CTNND2: variants seen among roughly 807,000 people sequenced by gnomAD.
The protein encoded by CTNND2 is catenin delta-2.
CTNND2 carries 22 observed loss-of-function variants against 144.4 expected under a neutral mutation model. The ratio of observed to expected loss-of-function variants is 0.15; its 90% CI spans 0.11 to 0.22. The LOEUF is 0.22. Among genes scored for constraint, CTNND2 ranks in the 10% least tolerant of loss-of-function variants. CTNND2 has a pLI of 1.00. For missense variants in CTNND2, 1,353 were observed against 1,618.8 expected, an observed-to-expected ratio of 0.84 and a Z score of 2.82; for synonymous variants, 751 against 695.6, an observed-to-expected ratio of 1.08 and a Z score of -1.25.
chr5:11,578,593 A>G (rs149785581), intron 2 of CTNND2, among the ~76,000 whole-genome samples: 3,983 of 152,140 alleles, frequency 0.026, 154 homozygotes, highest in African/African-American at 0.082. Context: ...CTCGGGAGGC[A>G]GAGGTTGCAG....
At chr5:11,092,397 T>C (rs1473176193) in intron 15 of CTNND2, among the ~76,000 whole-genome samples, 1 of 152,238 alleles carries the variant, frequency 6.6e-6, no homozygotes, top group Non-Finnish European at 1.5e-5. Context: ...TGCAAAACTA[T>C]TAAAAATGGG....
chr5:11,096,273 G>A (rs907546730), intron 15 of CTNND2, among the ~76,000 whole-genome samples: 6 of 152,012 alleles, frequency 3.9e-5, no homozygotes, highest in Non-Finnish European at 5.9e-5. Context: ...CCCATCAACC[G>A]TTATCTACAT....
In CTNND2 at chr5:10,973,418, C is replaced by A. The variant is rs761840130; in HGVS notation, c.*35G>T. On this transcript the variant is annotated 3_prime_UTR_variant, in exon 22 of 22. Transcript: ENST00000304623. The surrounding 1 kb of genome is among the most constrained non-coding windows in gnomAD (Gnocchi z 5.6). Reference sequence around the variant, plus strand: ...AGAAATGTCTTGTGGTATGCATGCACATGCACTGTTCCCGGAGCGCCTGTG... The same window carrying A: ...AGAAATGTCTTGTGGTATGCATGCAAATGCACTGTTCCCGGAGCGCCTGTG... 2 of 1,531,968 alleles carry A rather than the reference C, an allele frequency of 1.3e-6. No individual in the cohort carries two copies. The highest frequency in any genetic ancestry group is 1.8e-6 in the Non-Finnish European group (2 of 1,141,118). 94.9% of individuals were successfully genotyped at this position (1,531,968 alleles called of 1,614,324 possible). A position where few individuals can be genotyped will look rare whatever the true frequency, so the allele number is the denominator to read the frequency against.
chr5:11,249,876 T>C (rs1743384885), intron 9 of CTNND2, among the ~76,000 whole-genome samples: 2 of 151,866 alleles, frequency 1.3e-5, no homozygotes. Flanking sequence ...AACACACTCA[T>C]CTATGTGTAT....
chr5:11,073,104 T>C (rs1265981640), intron 16 of CTNND2, among the ~76,000 whole-genome samples: 1 of 152,216 alleles, frequency 6.6e-6, no homozygotes, highest in Non-Finnish European at 1.5e-5. Context: ...TCTTTAAACG[T>C]TTAAACTCAT....
At chr5:11,800,234 G>C (rs1368552411) in intron 1 of CTNND2, among the ~76,000 whole-genome samples, 1 of 152,080 alleles carries the variant, frequency 6.6e-6, no homozygotes, top group African/African-American at 2.4e-5. Context: ...ATCAATTTTG[G>C]TTTTCCCTCT....
chr5:11,463,556 G>T (rs1766403035), intron 3 of CTNND2, among the ~76,000 whole-genome samples: 2 of 152,060 alleles, frequency 1.3e-5, no homozygotes, highest in Non-Finnish European at 2.9e-5. Context: ...AATGCTGCCT[G>T]CCATAATATT....
intron 1 of CTNND2, among the ~76,000 whole-genome samples, chr5:11,806,537 C>A (rs1049091611): frequency 4.6e-5 from 7 of 152,048 alleles, no homozygotes; most frequent in Non-Finnish European, 7.4e-5. Context: ...TTTGGCACTG[C>A]CATTCATTCA....
At chr5:11,625,919 G>A (rs542132020) in intron 2 of CTNND2, among the ~76,000 whole-genome samples, 3 of 152,174 alleles carry the variant, frequency 2.0e-5, no homozygotes, top group Admixed American at 2.0e-4. Flanking sequence ...TGCCATCGGT[G>A]TTTGCTACAG....
intron 3 of CTNND2, among the ~76,000 whole-genome samples, chr5:11,537,956 C>T (rs945861052): frequency 6.6e-6 from 1 of 152,106 alleles, no homozygotes; most frequent in Admixed American, 6.5e-5. Context: ...CTTTATTCAC[C>T]TACGCTGTTA....
intron 1 of CTNND2, among the ~76,000 whole-genome samples, chr5:11,749,855 A>G (rs1788514889): frequency 6.6e-6 from 1 of 151,996 alleles, no homozygotes; most frequent in African/African-American, 2.4e-5. Context: ...CATTTACTAT[A>G]CCTTATTTAA....
intron 2 of CTNND2, among the ~76,000 whole-genome samples, chr5:11,576,684 A>G (rs1164565198): frequency 6.6e-6 from 1 of 152,190 alleles, no homozygotes; most frequent in Non-Finnish European, 1.5e-5. Flanking sequence ...AGATATTTTT[A>G]TCCTACATCA....
At chr5:11,900,408 T>G (rs1056960257) in intron 1 of CTNND2, among the ~76,000 whole-genome samples, 5 of 152,204 alleles carry the variant, frequency 3.3e-5, no homozygotes, top group Admixed American at 3.3e-4. Flanking sequence ...GATAAAATAT[T>G]TCTGTGAGTT....
chr5:11,794,058 C>T (rs1178209294), intron 1 of CTNND2, among the ~76,000 whole-genome samples: 2 of 152,234 alleles, frequency 1.3e-5, no homozygotes, highest in Non-Finnish European at 2.9e-5. Flanking sequence ...GGACACTGCT[C>T]GCCCACTGCA....
chr5:11,805,386 C>T (rs1791936622), intron 1 of CTNND2, among the ~76,000 whole-genome samples: 1 of 152,056 alleles, frequency 6.6e-6, no homozygotes, highest in Admixed American at 6.6e-5. Flanking sequence ...GCACATCTAC[C>T]ACCCTTGGTT....
In CTNND2 at chr5:11,691,148, G is replaced by C. The variant is rs1206998382; in HGVS notation, c.174+40988C>G. Among the ~76,000 whole-genome samples, 4 of 152,238 alleles carry C rather than the reference G, an allele frequency of 2.6e-5. No individual in the cohort carries two copies. The East Asian group carries it at 5.8e-4, about 22-fold the overall frequency. ...GCACTTCGGGAGGCCGAGGCGGGTG[G>C]ATCACAAGGTCAGGAGATTGAGACC... is the stretch of plus-strand genomic sequence containing the variant. On this transcript the variant is annotated intron_variant, in intron 2 of 21. Coordinates refer to ENST00000304623, the MANE Select transcript of CTNND2 (RefSeq NM_001332.4).
intron 16 of CTNND2, among the ~76,000 whole-genome samples, chr5:11,078,487 A>G (rs1405578595): frequency 6.6e-6 from 1 of 152,220 alleles, no homozygotes; most frequent in Non-Finnish European, 1.5e-5. Flanking sequence ...TTCGTTGAAC[A>G]CAGGCAGTAT....
At chr5:11,044,097 AG>A (rs1174866312) in intron 16 of CTNND2, among the ~76,000 whole-genome samples, 2 of 152,224 alleles carry the variant, frequency 1.3e-5, no homozygotes, top group Non-Finnish European at 2.9e-5. Context: ...TCTGCCCGGC[AG>A]GACTCTGATG....
chr5:11,459,400 T>C (rs907809991), intron 3 of CTNND2, among the ~76,000 whole-genome samples: 2 of 152,160 alleles, frequency 1.3e-5, no homozygotes, highest in African/African-American at 2.4e-5. Flanking sequence ...AACCCCACCA[T>C]AGGAGACTCT....
Sources: gnomAD v4.1 joint callset for allele counts (sites outside exome capture counted in the v4.1 genomes callset) on GRCh38, gnomAD v4.1.1 for gene constraint, Gnocchi (gnomAD v3.1) non-coding constraint, MANE v1.5 for transcripts, NCBI Gene and HGNC (gene_info 2026-07-23, HGNC 2026-07-21) for gene names.